NEGR1: variants seen among roughly 807,000 people sequenced by gnomAD.
NEGR1 encodes the protein neuronal growth regulator 1, also known as IgLON family member 4.
Under a neutral mutation model 40.9 loss-of-function variants are expected in NEGR1, and 10 were observed. That is an observed-to-expected ratio of 0.24 (90% CI 0.15 to 0.42). NEGR1 has a LOEUF of 0.42. Among genes scored for constraint, NEGR1 ranks in the 10% least tolerant of loss-of-function variants. The probability of loss-of-function intolerance (pLI) is 1.00; values close to 1 mark genes in which losing one functional copy is unlikely to be tolerated. For missense variants in NEGR1, 352 were observed against 438.9 expected, an observed-to-expected ratio of 0.80 and a Z score of 1.77; for synonymous variants, 185 against 166.8, an observed-to-expected ratio of 1.11 and a Z score of -0.84.
intron 1 of NEGR1, among the ~76,000 whole-genome samples, chr1:72,212,315 T>G (rs1653639889): frequency 6.6e-6 from 1 of 151,962 alleles, no homozygotes; most frequent in Non-Finnish European, 1.5e-5. Flanking sequence ...ATGTTATGCT[T>G]TGTAATCATT....
In NEGR1 at chr1:71,776,233, A is replaced by G; in HGVS notation, c.474T>C (p.Leu158=). The G allele has an allele frequency of 6.2e-7, 1 of 1,608,722 alleles. No individual in the cohort carries two copies. Among genetic ancestry groups the G allele is most frequent in the Non-Finnish European group, 8.5e-7 (1 of 1,176,494 alleles). The change falls in exon 3 of 7, where the codon CTT becomes CTC. Residue 158 remains leucine, a synonymous_variant. Transcript: ENST00000357731. ...MTVNEGTNVT[L]TCLATGKPEP... is the part of the protein sequence containing the mutation. ...CTGGTTTCCCAGTGGCCAAACAAGT[A>G]AGAGTGACGTTGGTTCCTTCATTGA...
chr1:72,193,923 CAGTT>C (rs1261824827), intron 1 of NEGR1, among the ~76,000 whole-genome samples: 1 of 151,490 alleles, frequency 6.6e-6, no homozygotes, highest in African/African-American at 2.4e-5. Context: ...TATATACACA[CAGTT>C]AGAGATAAAA....
At chr1:71,605,271 A>G (rs924566400) in intron 5 of NEGR1, among the ~76,000 whole-genome samples, 30 of 152,176 alleles carry the variant, frequency 2.0e-4, no homozygotes, top group Non-Finnish European at 1.5e-5. Flanking sequence ...ATACATTGTG[A>G]AATGACTAAG....
chr1:72,059,010 G>A (rs1199249806), intron 1 of NEGR1, among the ~76,000 whole-genome samples: 2 of 151,516 alleles, frequency 1.3e-5, no homozygotes, highest in Non-Finnish European at 3.0e-5. Context: ...TCACAAAATG[G>A]AAAATGCGCA....
At chr1:71,845,471 T>C (rs1440763440) in intron 2 of NEGR1, among the ~76,000 whole-genome samples, 1 of 152,146 alleles carries the variant, frequency 6.6e-6, no homozygotes, top group Non-Finnish European at 1.5e-5. Context: ...GAAATCAGGC[T>C]GCCCCAATTT....
intron 1 of NEGR1, among the ~76,000 whole-genome samples, chr1:72,089,738 C>G (rs890346944): frequency 6.6e-6 from 1 of 151,902 alleles, no homozygotes; most frequent in South Asian, 2.1e-4. Context: ...TAATTATAGC[C>G]TATGTCTACT....
Position 71,751,734 on chromosome 1 carries a change from T to C in NEGR1, c.535+24438A>G, listed in dbSNP as rs1277506725. On this transcript the variant is annotated intron_variant, in intron 3 of 6. Coordinates refer to ENST00000357731, the MANE Select transcript of NEGR1 (RefSeq NM_173808.3). ...ACCTTTCCAAAAAAAAAAAAGCCTGTCTCATAAGTGCCTATTGGGCTCAGA... is the reference window on the plus strand; with the variant it reads ...ACCTTTCCAAAAAAAAAAAAGCCTGCCTCATAAGTGCCTATTGGGCTCAGA... 2.0e-5 allele frequency among the ~76,000 whole-genome samples: 3 copies of C among 151,486 alleles called. No homozygotes were observed. In the East Asian group the frequency reaches 5.8e-4, roughly 29 times the overall value.
At position 71,473,734 on chromosome 1, in the gene NEGR1, G is replaced by A. The variant is rs554659862; in HGVS notation, c.941-66164C>T. On this transcript the variant is annotated intron_variant, in intron 6 of 6. Transcript: ENST00000357731. ...CGGGGCATGGCTTTTTGGAGAATGG[G>A]GAGCAGTGGGTGGTAGTCATCAAAA... is the stretch of plus-strand genomic sequence containing the variant. 2.6e-5 allele frequency among the ~76,000 whole-genome samples: 4 copies of A among 152,142 alleles called. No individual in the cohort carries two copies. The South Asian group carries it at 8.3e-4, about 32-fold the overall frequency.
intron 2 of NEGR1, among the ~76,000 whole-genome samples, chr1:71,838,395 C>G (rs1030644954): frequency 1.6e-4 from 24 of 152,016 alleles, no homozygotes; most frequent in Non-Finnish European, 3.5e-4. Context: ...TAAATGATCT[C>G]TTTCTACAGA....
intron 6 of NEGR1, among the ~76,000 whole-genome samples, chr1:71,465,201 CAG>C (rs529508748): frequency 6.2e-4 from 94 of 152,204 alleles, no homozygotes; most frequent in Non-Finnish European, 1.1e-3. Flanking sequence ...GTGAGAACAA[CAG>C]AGATAAAAAC....
chr1:71,406,464 G>T lies in NEGR1; in HGVS notation c.*982C>A, dbSNP rs937249398. On this transcript the variant is annotated 3_prime_UTR_variant, in exon 7 of 7. Transcript: ENST00000357731. The stretch of plus-strand genomic sequence containing the variant: ...AAATCATCTTAAAATTTTTGGCTTG[G>T]ACTAGTGAAAGGAAAAGATGCTGTA... 3.9e-5 allele frequency: 6 copies of T among 151,922 alleles called. No homozygotes were observed. The highest frequency in any genetic ancestry group is 1.4e-4 in the African/African-American group (6 of 41,402). 9.4% of individuals were successfully genotyped at this position (151,922 alleles called of 1,614,324 possible).
intron 1 of NEGR1, among the ~76,000 whole-genome samples, chr1:72,100,336 T>A (rs973902900): frequency 1.3e-5 from 2 of 152,204 alleles, no homozygotes; most frequent in African/African-American, 4.8e-5. Flanking sequence ...TAAAATTGAT[T>A]TTCTCTGATT....
rs935305500 is a variant in NEGR1 at position 71,401,469 on chromosome 1, T to A, written c.*5977A>T. ...ATGTTTTTCAAACTAAGTGGTGATATCCATAGGATTTGTATTATATTCATA... is the reference window on the plus strand; with the variant it reads ...ATGTTTTTCAAACTAAGTGGTGATAACCATAGGATTTGTATTATATTCATA... On this transcript the variant is annotated 3_prime_UTR_variant, in exon 7 of 7. Coordinates refer to ENST00000357731, the MANE Select transcript of NEGR1 (RefSeq NM_173808.3). 2 of 152,210 alleles carry A rather than the reference T, an allele frequency of 1.3e-5. No homozygotes were observed. Among genetic ancestry groups the A allele is most frequent in the African/African-American group, 4.8e-5 (2 of 41,450 alleles). The allele number at this position is 152,210 out of a possible 1,614,324, so 9.4% of individuals were successfully genotyped here. A position where few individuals can be genotyped will look rare whatever the true frequency, so the allele number is the denominator to read the frequency against.
At chr1:71,871,728 T>C (rs1303951608) in intron 2 of NEGR1, among the ~76,000 whole-genome samples, 1 of 152,198 alleles carries the variant, frequency 6.6e-6, no homozygotes, top group Non-Finnish European at 1.5e-5. Context: ...GTCAACAAGA[T>C]AGTTTTTATT....
chr1:71,687,980 A>G (rs898530773), intron 4 of NEGR1, among the ~76,000 whole-genome samples: 4 of 151,978 alleles, frequency 2.6e-5, no homozygotes, highest in African/African-American at 9.7e-5. Flanking sequence ...TTTTATGAAC[A>G]TTTTTCAACT....
At chr1:71,849,362 A>G (rs536589492) in intron 2 of NEGR1, among the ~76,000 whole-genome samples, 2 of 152,254 alleles carry the variant, frequency 1.3e-5, no homozygotes, top group South Asian at 2.1e-4. Flanking sequence ...CAAATTGTAA[A>G]AGTACTGGAA....
intron 1 of NEGR1, among the ~76,000 whole-genome samples, chr1:72,064,716 T>G (rs1647233578): frequency 6.6e-6 from 1 of 152,236 alleles, no homozygotes; most frequent in South Asian, 2.1e-4. Context: ...ATTATTATTA[T>G]TTTACTTATT....
At chr1:71,739,001 C>A (rs1012763372) in intron 3 of NEGR1, among the ~76,000 whole-genome samples, 9 of 151,794 alleles carry the variant, frequency 5.9e-5, no homozygotes, top group African/African-American at 9.7e-5. Flanking sequence ...AAAACAAACA[C>A]CCCCCACCCA....
At chr1:71,807,306 TAC>T (rs1657813277) in intron 2 of NEGR1, among the ~76,000 whole-genome samples, 1 of 152,136 alleles carries the variant, frequency 6.6e-6, no homozygotes, top group African/African-American at 2.4e-5. Context: ...TAAAAAGACT[TAC>T]AACTTAAAAT....
Sources: allele counts gnomAD v4.1 joint callset (sites outside exome capture counted in the v4.1 genomes callset), GRCh38; gene constraint gnomAD v4.1.1; transcripts MANE v1.5; gene names NCBI Gene and HGNC (gene_info 2026-07-23, HGNC 2026-07-21).